The following ZNF571 variants were observed in gnomAD, a reference collection of about 807,000 sequenced individuals.
ZNF571 encodes zinc finger protein 571.
In ZNF571, 4 loss-of-function variants were observed where a neutral mutation model predicts 7.7. The observed-to-expected ratio is 0.52, with a 90% CI of 0.25 to 1.18. ZNF571 has a LOEUF of 1.18. ZNF571 is among the 50% of genes most tolerant of loss of function. The probability of loss-of-function intolerance (pLI) is 0.14; values close to 1 mark genes in which losing one functional copy is unlikely to be tolerated. For missense variants in ZNF571, 704 were observed against 726.9 expected (o/e 0.97, Z 0.36); for synonymous variants, 251 against 232.4 (o/e 1.08, Z -0.73).
At chr19:37,593,597 G>A (rs769060101) in intron 1 of ZNF571, among the ~76,000 whole-genome samples, 31 of 152,106 alleles carry the variant, frequency 2.0e-4, no homozygotes, top group Non-Finnish European at 4.0e-4. Context: ...CAGCTACTCG[G>A]GAGGCTTAGG....
chr19:37,588,171 T>C (rs1600534053), intron 1 of ZNF571, among the ~76,000 whole-genome samples: 1 of 149,642 alleles, frequency 6.7e-6, no homozygotes, highest in East Asian at 2.0e-4. Context: ...TATAAAGATG[T>C]TAACCTCTGC....
At chr19:37,576,369 A>G (rs1257730539) in intron 3 of ZNF571, among the ~76,000 whole-genome samples, 1 of 152,210 alleles carries the variant, frequency 6.6e-6, no homozygotes, top group Non-Finnish European at 1.5e-5. Context: ...AACACTTGCA[A>G]CTATCTGCAT....
intron 3 of ZNF571, among the ~76,000 whole-genome samples, chr19:37,576,804 TAAC>T (rs1028565938): frequency 2.0e-5 from 3 of 152,164 alleles, no homozygotes; most frequent in Non-Finnish European, 4.4e-5. Flanking sequence ...TTAATTAAAT[TAAC>T]AAAGTTATTC....
chr19:37,588,998 A>G (rs2043779170), intron 1 of ZNF571, among the ~76,000 whole-genome samples: 1 of 152,052 alleles, frequency 6.6e-6, no homozygotes, highest in Non-Finnish European at 1.5e-5. Flanking sequence ...TCAGCAGTTC[A>G]CCGTCAGCCT....
intron 1 of ZNF571, among the ~76,000 whole-genome samples, chr19:37,589,528 T>C (rs989378857): frequency 2.0e-5 from 3 of 152,004 alleles, no homozygotes; most frequent in African/African-American, 7.2e-5. Context: ...AAAATGCTCA[T>C]CATTTAAATA....
At chr19:37,579,842 G>C (rs901766410) in intron 3 of ZNF571, among the ~76,000 whole-genome samples, 1 of 152,004 alleles carries the variant, frequency 6.6e-6, no homozygotes, top group South Asian at 2.1e-4. Context: ...TTTTGATCCA[G>C]CTGGAGGAGG....
intron 3 of ZNF571, among the ~76,000 whole-genome samples, chr19:37,568,831 G>A (rs1209875117): frequency 1.3e-5 from 2 of 152,092 alleles, no homozygotes; most frequent in Non-Finnish European, 2.9e-5. Flanking sequence ...GTCTGAAAAG[G>A]AGGAGTCATT....
chr19:37,586,927 T>C (rs997373218), intron 1 of ZNF571, 182 bp from the exon 2 acceptor site: 2 of 537,540 alleles, frequency 3.7e-6, no homozygotes, highest in Admixed American at 6.9e-5. Context: ...AATGTCCATG[T>C]TGAACAGGAC....
At position 37,564,912 on chromosome 19, in the gene ZNF571, C is replaced by G; in HGVS notation, c.1516G>C (p.Glu506Gln). The change falls in exon 4 of 4, where the codon GAA becomes CAA. Residue 506 changes from glutamate to glutamine, a missense_variant. By Grantham distance (29) the Glu-to-Gln change is conservative. Coordinates refer to ENST00000451802, the MANE Select transcript of ZNF571 (RefSeq NM_016536.5). ...HTGEKPYKCK[E>Q]CDKAFIYGSQ... ...CCATAAATAAAGGCCTTGTCACATT[C>G]CTTACATTTGTAGGGCTTTTCACCT... The G allele has an allele frequency of 1.2e-6, 2 of 1,614,024 alleles. No individual in the cohort carries two copies. Among genetic ancestry groups the G allele is most frequent in the Non-Finnish European group, 1.7e-6 (2 of 1,179,964 alleles).
chr19:37,584,224 A>G (rs1165933154), intron 2 of ZNF571, 127 bp from the exon 3 acceptor site: 4 of 1,318,898 alleles, frequency 3.0e-6, no homozygotes, highest in Admixed American at 3.9e-5. Flanking sequence ...TTGCCTAAAC[A>G]GTAGTATTAA....
intron 3 of ZNF571, chr19:37,567,865 G>GA (rs1315679403): frequency 2.0e-5 from 3 of 152,100 alleles, no homozygotes; most frequent in Non-Finnish European, 2.9e-5. Flanking sequence ...TGTGTAGGGG[G>GA]AAAATGCCTG....
At chr19:37,580,250 C>T (rs1451819347) in intron 3 of ZNF571, among the ~76,000 whole-genome samples, 2 of 152,218 alleles carry the variant, frequency 1.3e-5, no homozygotes, top group Non-Finnish European at 2.9e-5. Context: ...TGTTCTAACT[C>T]ATCAGCAGAC....
intron 1 of ZNF571, among the ~76,000 whole-genome samples, chr19:37,589,378 T>A (rs1008998543): frequency 1.3e-5 from 2 of 151,550 alleles, no homozygotes; most frequent in African/African-American, 4.9e-5. Context: ...TATGCGCAAC[T>A]TAAATAAAAA....
At chr19:37,578,078 A>G (rs914409684) in intron 3 of ZNF571, among the ~76,000 whole-genome samples, 1 of 152,136 alleles carries the variant, frequency 6.6e-6, no homozygotes, top group African/African-American at 2.4e-5. Context: ...CGGGCTCCTT[A>G]TGAGAATCTA....
intron 3 of ZNF571, chr19:37,567,746 G>C (rs1449230392): frequency 2.0e-5 from 3 of 152,110 alleles, no homozygotes; most frequent in Non-Finnish European, 4.4e-5. Context: ...TTAGGTCCAT[G>C]CCAGGTATTT....
rs527459498 is a variant in ZNF571, at chr19:37,565,914, G to A, written c.514C>T (p.His172Tyr). Residue 172 changes from histidine to tyrosine, a missense_variant, in exon 4 of 4, where the codon CAC becomes TAC. By Grantham distance (83) the His-to-Tyr change is moderately conservative (BLOSUM62 2). Transcript: ENST00000451802. ...GGCTTTTTGCTAAAGGTATTCCTGT[G>A]TTTCTTAACTTCAGAGCATTTTTCT... is the stretch of plus-strand genomic sequence containing the variant. ...NIEKCSEVKK[H>Y]RNTFSKKPSY... The A allele has an allele frequency of 5.0e-6, 8 of 1,613,838 alleles. No homozygotes were observed. The South Asian group carries it at 7.7e-5, about 16-fold the overall frequency.
chr19:37,579,459 A>G (rs988320785), intron 3 of ZNF571, among the ~76,000 whole-genome samples: 1 of 152,224 alleles, frequency 6.6e-6, no homozygotes, highest in Non-Finnish European at 1.5e-5. Context: ...GTACTGTGAC[A>G]TCGGAAAACA....
At chr19:37,568,711 T>C (rs2042953094) in intron 3 of ZNF571, among the ~76,000 whole-genome samples, 1 of 152,138 alleles carries the variant, frequency 6.6e-6, no homozygotes, top group South Asian at 2.1e-4. Context: ...TATAAAAATG[T>C]ATTCAATTAA....
At position 37,565,461 on chromosome 19, in the gene ZNF571, T is replaced by C. The variant is rs768648883; in HGVS notation, c.967A>G (p.Thr323Ala). ...GKAFILGSHL[T>A]YHQRVHTGEK... ...CCAGTATGAACTCTCTGATGGTATGTAAGGTGTGAACCAAGAATAAAGGCC... is the reference window on the plus strand; with the variant it reads ...CCAGTATGAACTCTCTGATGGTATGCAAGGTGTGAACCAAGAATAAAGGCC... Residue 323 changes from threonine (T) to alanine (A), a missense_variant, in exon 4 of 4, where the codon ACA becomes GCA. Coordinates refer to ENST00000451802, the MANE Select transcript of ZNF571 (RefSeq NM_016536.5). 6 of 1,613,126 alleles carry C rather than the reference T, an allele frequency of 3.7e-6. No individual in the cohort carries two copies. The Admixed American group carries it at 1.0e-4, about 27-fold the overall frequency.
Sources: gnomAD v4.1 joint callset for allele counts (sites outside exome capture counted in the v4.1 genomes callset) on GRCh38, gnomAD v4.1.1 for gene constraint, MANE v1.5 for transcripts, NCBI Gene and HGNC (gene_info 2026-07-23, HGNC 2026-07-21) for gene names.